KCNMA1: variants seen among roughly 807,000 people sequenced by gnomAD.
The protein encoded by KCNMA1 is Calcium-activated potassium channel subunit alpha-1.
In KCNMA1, 29 loss-of-function variants were observed where a neutral mutation model predicts 140.0. The observed-to-expected ratio is 0.21, with a 90% confidence interval of 0.15 to 0.28. KCNMA1 has a LOEUF of 0.28. KCNMA1 is among the 10% of genes least tolerant of loss of function. The probability of loss-of-function intolerance (pLI) is 1.00; values close to 1 mark genes in which losing one functional copy is unlikely to be tolerated. For synonymous variants in KCNMA1, 612 were observed against 611.9 expected (o/e 1.00, Z 0.00); for missense variants, 880 against 1,602.2 (o/e 0.55, Z 7.70).
At chr10:77,304,031 A>T (rs540778072) in intron 2 of KCNMA1, among the ~76,000 whole-genome samples, 51 of 152,340 alleles carry the variant, frequency 3.3e-4, no homozygotes, top group Non-Finnish European at 1.5e-5. Flanking sequence ...AAAGGGTAAC[A>T]AACATGGATA....
chr10:77,568,387 T>C (rs1008978082), intron 1 of KCNMA1, among the ~76,000 whole-genome samples: 2 of 152,190 alleles, frequency 1.3e-5, no homozygotes, highest in South Asian at 2.1e-4. Flanking sequence ...TTATCCACCA[T>C]GATCAAGTCG....
At chr10:76,945,246 C>A (rs1345426775) in intron 22 of KCNMA1, among the ~76,000 whole-genome samples, 1 of 152,178 alleles carries the variant, frequency 6.6e-6, no homozygotes, top group East Asian at 1.9e-4. Context: ...CTATTACTAA[C>A]AAACGCGGGA....
intron 2 of KCNMA1, among the ~76,000 whole-genome samples, chr10:77,352,715 G>T (rs1222708445): frequency 1.3e-5 from 2 of 152,110 alleles, no homozygotes; most frequent in African/African-American, 2.4e-5. Flanking sequence ...TATGGCCAGG[G>T]TCTAAGGAAT....
intron 1 of KCNMA1, among the ~76,000 whole-genome samples, chr10:77,479,742 C>T (rs748474980): frequency 2.0e-5 from 3 of 152,172 alleles, no homozygotes; most frequent in Non-Finnish European, 2.9e-5. Flanking sequence ...GCTGGTCATT[C>T]GTTCCTCCAG....
At chr10:77,578,788 C>A (rs1017922592) in intron 1 of KCNMA1, among the ~76,000 whole-genome samples, 2 of 152,218 alleles carry the variant, frequency 1.3e-5, no homozygotes, top group Non-Finnish European at 2.9e-5. Flanking sequence ...GGCCAGGGCA[C>A]TCCCAAGACA....
intron 23 of KCNMA1, among the ~76,000 whole-genome samples, chr10:76,928,288 C>T (rs544872010): frequency 3.6e-4 from 26 of 71,502 alleles, no homozygotes; most frequent in Non-Finnish European, 6.6e-4. Context: ...AACACGCGCG[C>T]GCACACACAC....
intron 1 of KCNMA1, among the ~76,000 whole-genome samples, chr10:77,495,807 G>C (rs2041701231): frequency 6.6e-6 from 1 of 152,160 alleles, no homozygotes; most frequent in Non-Finnish European, 1.5e-5. Context: ...GCAGAGGACA[G>C]GGAAGAGACC....
chr10:77,229,869 T>C (rs187371569), intron 3 of KCNMA1, among the ~76,000 whole-genome samples: 2 of 152,292 alleles, frequency 1.3e-5, no homozygotes, highest in African/African-American at 4.8e-5. Context: ...GGTACAGCCA[T>C]TGTGGAAAAT....
intron 2 of KCNMA1, among the ~76,000 whole-genome samples, chr10:77,374,876 G>A (rs750706907): frequency 5.3e-5 from 8 of 152,156 alleles, no homozygotes; most frequent in South Asian, 2.1e-4. Context: ...AGGAAGCTTG[G>A]AGAAGTATCT....
intron 1 of KCNMA1, chr10:77,587,873 T>G (rs1398843830): frequency 2.0e-6 from 2 of 985,230 alleles, no homozygotes; most frequent in Admixed American, 1.2e-4. Flanking sequence ...TGTGCCACTC[T>G]GAAAAGAAAA....
intron 1 of KCNMA1, among the ~76,000 whole-genome samples, chr10:77,590,702 G>A (rs896607972): frequency 6.6e-6 from 1 of 152,168 alleles, no homozygotes; most frequent in Non-Finnish European, 1.5e-5. Context: ...CAGAAGAGGC[G>A]CCCAGAGCGA....
intron 2 of KCNMA1, among the ~76,000 whole-genome samples, chr10:77,273,212 TTCC>T (rs2065672667): frequency 6.6e-6 from 1 of 152,314 alleles, no homozygotes; most frequent in East Asian, 1.9e-4. Flanking sequence ...CTCATTTTCT[TTCC>T]TCCTGCCTCT....
chr10:77,357,935 T>G (rs1251906632), intron 2 of KCNMA1, among the ~76,000 whole-genome samples: 1 of 152,012 alleles, frequency 6.6e-6, no homozygotes, highest in African/African-American at 2.4e-5. Context: ...GGACTGGGGG[T>G]CTCGGGAACA....
At chr10:77,198,990 C>T (rs1263938839) in intron 3 of KCNMA1, among the ~76,000 whole-genome samples, 1 of 152,198 alleles carries the variant, frequency 6.6e-6, no homozygotes, top group African/African-American at 2.4e-5. Flanking sequence ...GCCTCACTTT[C>T]CACACTCAGT....
chr10:77,258,456 A>G (rs1194492276), intron 2 of KCNMA1, among the ~76,000 whole-genome samples: 2 of 152,126 alleles, frequency 1.3e-5, no homozygotes, highest in African/African-American at 4.8e-5. Context: ...ATCACTACAG[A>G]AAATTGAGTG....
At chr10:77,438,409 C>A (rs1329519981) in intron 1 of KCNMA1, among the ~76,000 whole-genome samples, 1 of 151,718 alleles carries the variant, frequency 6.6e-6, no homozygotes, top group Admixed American at 6.6e-5. Flanking sequence ...ACTAAAAATA[C>A]AAAATTAGCC....
chr10:76,892,163 C>T (rs200825625), intron 25 of KCNMA1, among the ~76,000 whole-genome samples: 5 of 152,156 alleles, frequency 3.3e-5, no homozygotes, highest in East Asian at 1.9e-4. Flanking sequence ...TTCCTCCCCA[C>T]GACAACGGCA....
intron 2 of KCNMA1, among the ~76,000 whole-genome samples, chr10:77,383,213 C>T (rs1459919493): frequency 2.0e-5 from 3 of 151,944 alleles, no homozygotes; most frequent in Non-Finnish European, 4.4e-5. Context: ...AAAACTGATG[C>T]TGGCCCCACT....
chr10:77,011,269 C>T lies in KCNMA1; in HGVS notation c.2092+698G>A, dbSNP rs1049202765. The stretch of plus-strand genomic sequence containing the variant: ...GGTATCTCAGGAGCTCACAATTCCA[C>T]GTTCTGGACTCACTATATCTTTCTC... On this transcript the variant is annotated intron_variant, in intron 18 of 27. Transcript: ENST00000286628. Among the ~76,000 whole-genome samples, 4 of 152,172 alleles carry T rather than the reference C, an allele frequency of 2.6e-5. No homozygotes were observed. In the East Asian group the frequency reaches 5.8e-4, roughly 22 times the overall value.
Sources: allele counts gnomAD v4.1 joint callset (sites outside exome capture counted in the v4.1 genomes callset), GRCh38; gene constraint gnomAD v4.1.1; transcripts MANE v1.5; gene names NCBI Gene and HGNC (gene_info 2026-07-23, HGNC 2026-07-21).